Variants in HGSNAT observed in about 807,000 individuals in gnomAD.
HGSNAT encodes heparan-alpha-glucosaminide N-acetyltransferase, also known as transmembrane protein 76.
In HGSNAT, 59 loss-of-function variants were observed where a neutral mutation model predicts 85.2. The ratio of observed to expected loss-of-function variants is 0.69; its 90% CI spans 0.56 to 0.86. HGSNAT has a LOEUF of 0.86. Ranked by LOEUF, HGSNAT falls within the 40% of genes least tolerant of loss-of-function variation. The pLI is 0.00. For missense variants in HGSNAT, 756 were observed against 777.1 expected, an observed-to-expected ratio of 0.97 and a Z score of 0.32; for synonymous variants, 321 against 304.5, an observed-to-expected ratio of 1.05 and a Z score of -0.56.
At chr8:43,190,021 G>T (rs1804472389) in intron 11 of HGSNAT, among the ~76,000 whole-genome samples, 1 of 152,214 alleles carries the variant, frequency 6.6e-6, no homozygotes, top group Non-Finnish European at 1.5e-5. Context: ...TAAAATTCAT[G>T]TAACGTTTTG....
At position 43,140,516 on chromosome 8, in the gene HGSNAT, C is replaced by CGCTGGCCGCGCTGCT; in HGVS notation, c.31_45dup (p.Leu11_Ala15dup). 9.3e-7 allele frequency: 1 copy of CGCTGGCCGCGCTGCT among 1,079,956 alleles called. No individual in the cohort carries two copies. The highest frequency in any genetic ancestry group is 6.0e-5 in the East Asian group (1 of 16,602). The allele number at this position is 1,079,956 out of a possible 1,614,324, so 66.9% of individuals were successfully genotyped here. ...GCGGGCATGAGCGGGGCGGGCAGGG[C>CGCTGGCCGCGCTGCT]GCTGGCCGCGCTGCTGCTGGCCGCG... On this transcript the variant is annotated inframe_insertion, in exon 1 of 18. Coordinates refer to ENST00000379644, the MANE Select transcript of HGSNAT (RefSeq NM_152419.3).
chr8:43,175,668 C>T (rs1803786036), intron 9 of HGSNAT, among the ~76,000 whole-genome samples: 3 of 148,396 alleles, frequency 2.0e-5, no homozygotes, highest in Admixed American at 6.9e-5. Context: ...TGGGTTCCAG[C>T]GATTCTTCTG....
chr8:43,171,315 G>T (rs751477675), intron 7 of HGSNAT, among the ~76,000 whole-genome samples: 6 of 152,192 alleles, frequency 3.9e-5, no homozygotes, highest in Admixed American at 6.5e-5. Context: ...AGCCCTGAGT[G>T]CCCTGGCAGG....
intron 1 of HGSNAT, among the ~76,000 whole-genome samples, chr8:43,145,453 T>C (rs1334836790): frequency 6.6e-6 from 1 of 152,142 alleles, no homozygotes; most frequent in Non-Finnish European, 1.5e-5. Flanking sequence ...TAAGATAAAC[T>C]TAAAAATGAG....
chr8:43,172,290 T>G lies in HGSNAT; in HGVS notation c.744-20T>G. 1 of 1,583,726 alleles carries G rather than the reference T, an allele frequency of 6.3e-7. No individual in the cohort carries two copies. Among genetic ancestry groups the G allele is most frequent in the Non-Finnish European group, 8.7e-7 (1 of 1,152,264 alleles). The stretch of plus-strand genomic sequence containing the variant: ...CACATAGCAAACCCTGAAAGGCTTC[T>G]CTTTGTTGGCTTCTTCTAGGATTGC... On this transcript the variant is annotated intron_variant, in intron 7 of 17. Transcript: ENST00000379644.
At chr8:43,146,325 C>A (rs528220717) in intron 1 of HGSNAT, among the ~76,000 whole-genome samples, 2 of 152,176 alleles carry the variant, frequency 1.3e-5, no homozygotes, top group Non-Finnish European at 2.9e-5. Flanking sequence ...TTTCAAGACA[C>A]GTGCACCCCG....
chr8:43,199,294 G>GT (rs1252659854), intron 17 of HGSNAT, 94 bp from the exon 18 acceptor site: 1 of 898,978 alleles, frequency 1.1e-6, no homozygotes, highest in Non-Finnish European at 1.7e-6. Flanking sequence ...CACACTTTCT[G>GT]TTTTTTCATT....
chr8:43,141,402 C>G (rs925310211), intron 1 of HGSNAT, among the ~76,000 whole-genome samples: 2 of 152,118 alleles, frequency 1.3e-5, no homozygotes, highest in Non-Finnish European at 2.9e-5. Context: ...TCAGCTCATA[C>G]CGTGATTGCA....
At chr8:43,182,306 A>G (rs754095461) in intron 11 of HGSNAT, 46 bp downstream of exon 11, 15 of 1,422,318 alleles carry the variant, frequency 1.1e-5, no homozygotes, top group Non-Finnish European at 1.5e-5. Context: ...TTAAATTAAA[A>G]AAAATGTATT....
chr8:43,153,752 A>T (rs929593526), intron 2 of HGSNAT, among the ~76,000 whole-genome samples: 1 of 152,050 alleles, frequency 6.6e-6, no homozygotes, highest in Non-Finnish European at 1.5e-5. Context: ...CTCTACTTCT[A>T]TGAGGTCACA....
intron 1 of HGSNAT, 53 bp from the exon 2 acceptor site, chr8:43,146,895 C>T: frequency 9.9e-7 from 1 of 1,013,932 alleles, no homozygotes; most frequent in East Asian, 2.6e-5. Flanking sequence ...GTCTCTAACA[C>T]ATCTTTCGGG....
chr8:43,145,622 G>A (rs558731651), intron 1 of HGSNAT, among the ~76,000 whole-genome samples: 38 of 152,162 alleles, frequency 2.5e-4, no homozygotes, highest in South Asian at 1.2e-3. Context: ...TTGGTGGTGC[G>A]TGCCTGTAGT....
At chr8:43,177,977 A>G (rs987511094) in intron 9 of HGSNAT, 97 bp from the exon 10 acceptor site, 4 of 1,001,234 alleles carry the variant, frequency 4.0e-6, no homozygotes, top group Admixed American at 3.6e-5. Flanking sequence ...TAAACAAATT[A>G]TGGTTGCTTC....
chr8:43,173,883 G>A, intron 9 of HGSNAT, 140 bp downstream of exon 9: 2 of 859,916 alleles, frequency 2.3e-6, no homozygotes, highest in Non-Finnish European at 1.8e-6. Flanking sequence ...TTACTGGATA[G>A]TTCTCATACT....
intron 11 of HGSNAT, among the ~76,000 whole-genome samples, chr8:43,185,271 A>T (rs1380562663): frequency 6.6e-6 from 1 of 152,220 alleles, no homozygotes; most frequent in Non-Finnish European, 1.5e-5. Context: ...ATCCATAAGC[A>T]TGGAATGTTC....
intron 11 of HGSNAT, among the ~76,000 whole-genome samples, chr8:43,185,918 C>A (rs1044575772): frequency 2.6e-5 from 4 of 152,072 alleles, no homozygotes; most frequent in African/African-American, 9.7e-5. Flanking sequence ...GTTTTTGGTT[C>A]TGTTTATATG....
intron 9 of HGSNAT, among the ~76,000 whole-genome samples, chr8:43,175,557 C>CTTTTTTTTTTTT (rs572939859): frequency 3.2e-5 from 2 of 63,128 alleles, no homozygotes; most frequent in Admixed American, 1.9e-4. Flanking sequence ...CTTTTGTCCT[C>CTTTTTTTTTTTT]TTTTTTTTTT....
intron 10 of HGSNAT, among the ~76,000 whole-genome samples, chr8:43,179,621 G>C (rs1384712473): frequency 2.0e-5 from 1 of 48,872 alleles, no homozygotes; most frequent in Non-Finnish European, 3.7e-5. Context: ...GGGCAGAGGC[G>C]CCCCTCACCT....
intron 11 of HGSNAT, among the ~76,000 whole-genome samples, chr8:43,189,242 C>T (rs569702748): frequency 6.6e-6 from 1 of 152,340 alleles, no homozygotes; most frequent in African/African-American, 2.4e-5. Flanking sequence ...GTGGAGTCTA[C>T]AGAGGCAGGC....
Sources: gnomAD v4.1 joint callset for allele counts (sites outside exome capture counted in the v4.1 genomes callset) on GRCh38, gnomAD v4.1.1 for gene constraint, MANE v1.5 for transcripts, NCBI Gene and HGNC (gene_info 2026-07-23, HGNC 2026-07-21) for gene names.